The following PHTF2 variants were observed in gnomAD, a reference collection of about 807,000 sequenced individuals.
The protein encoded by PHTF2 is protein PHTF2.
In PHTF2, 60 loss-of-function variants were observed where a neutral mutation model predicts 101.2. The ratio of observed to expected loss-of-function variants is 0.59; its 90% confidence interval spans 0.48 to 0.73. The LOEUF is 0.73. PHTF2 is among the 30% of genes least tolerant of loss of function. PHTF2 has a pLI of 0.00. For synonymous variants in PHTF2, 311 were observed against 307.3 expected, an observed-to-expected ratio of 1.01 and a Z score of -0.13; for missense variants, 747 against 908.7, an observed-to-expected ratio of 0.82 and a Z score of 2.29.
At chr7:77,805,897 G>A (rs1236781004) in intron 1 of PHTF2, among the ~76,000 whole-genome samples, 1 of 152,206 alleles carries the variant, frequency 6.6e-6, no homozygotes, top group Non-Finnish European at 1.5e-5. Context: ...AAACAAGGTT[G>A]GGTGGAGTGG....
chr7:77,886,640 A>T (rs952188166), intron 3 of PHTF2, among the ~76,000 whole-genome samples: 1 of 152,196 alleles, frequency 6.6e-6, no homozygotes, highest in African/African-American at 2.4e-5. Flanking sequence ...TATGGAATAT[A>T]TTAGTTTCTA....
intron 11 of PHTF2, chr7:77,923,730 T>G (rs1023903064): frequency 1.0e-6 from 1 of 985,082 alleles, no homozygotes; most frequent in South Asian, 4.7e-5. Context: ...CTGTATGTAC[T>G]GTTAGAAGTC....
At chr7:77,890,221 A>G (rs999100001) in intron 3 of PHTF2, among the ~76,000 whole-genome samples, 1 of 152,120 alleles carries the variant, frequency 6.6e-6, no homozygotes, top group African/African-American at 2.4e-5. Context: ...TTCAAGAAGC[A>G]TTTCCACTTT....
At chr7:77,828,315 G>A (rs73374198) in intron 1 of PHTF2, among the ~76,000 whole-genome samples, 6,259 of 152,250 alleles carry the variant, frequency 0.041, 436 homozygotes, top group African/African-American at 0.14. Flanking sequence ...GGACCTTTAA[G>A]TACTTAACAA....
chr7:77,863,255 G>A (rs1028190450), intron 3 of PHTF2, among the ~76,000 whole-genome samples: 2 of 152,206 alleles, frequency 1.3e-5, no homozygotes, highest in Admixed American at 6.5e-5. Flanking sequence ...GGGGGATAGT[G>A]TAATCTCTAA....
At chr7:77,890,692 G>A (rs1415729009) in intron 3 of PHTF2, among the ~76,000 whole-genome samples, 7 of 133,546 alleles carry the variant, frequency 5.2e-5, no homozygotes, top group South Asian at 2.5e-4. Flanking sequence ...CGCAAGCTCC[G>A]CCTCCCGGGT....
chr7:77,865,240 T>G (rs1023399955), intron 3 of PHTF2, among the ~76,000 whole-genome samples: 2 of 152,058 alleles, frequency 1.3e-5, no homozygotes, highest in Non-Finnish European at 2.9e-5. Flanking sequence ...TTTCTTTTTT[T>G]TTTTAGACAG....
Position 77,940,675 on chromosome 7 carries a change from T to C in PHTF2, c.1872+16T>C. The stretch of plus-strand genomic sequence containing the variant: ...CTATCTTAAGGTAGAATGGGAGTGA[T>C]AAAAGTAGCTTTAACATGCTGGCCC... On this transcript the variant is annotated intron_variant, in intron 15 of 19. Transcript: ENST00000416283. The C allele has an allele frequency of 6.4e-7, 1 of 1,566,420 alleles. No individual in the cohort carries two copies. The highest frequency in any genetic ancestry group is 8.7e-7 in the Non-Finnish European group (1 of 1,149,308).
intron 16 of PHTF2, among the ~76,000 whole-genome samples, chr7:77,945,448 T>C (rs1206481511): frequency 2.0e-5 from 3 of 150,984 alleles, no homozygotes; most frequent in Non-Finnish European, 4.5e-5. Context: ...CAAGGAAGTT[T>C]ATAAAACTTT....
intron 1 of PHTF2, among the ~76,000 whole-genome samples, chr7:77,814,995 T>G (rs1793744466): frequency 6.6e-6 from 1 of 152,042 alleles, no homozygotes; most frequent in South Asian, 2.1e-4. Flanking sequence ...GATGATCATT[T>G]GAATCCGGGA....
In PHTF2 at chr7:77,940,309, A is replaced by G. The variant is rs1315039338; in HGVS notation, c.1740+7A>G. The G allele has an allele frequency of 1.9e-6, 3 of 1,589,450 alleles. No homozygotes were observed. Among genetic ancestry groups the G allele is most frequent in the Non-Finnish European group, 8.5e-7 (1 of 1,169,864 alleles). ...AGAAAGAACTTATAAACAGGTGGGT[A>G]TAATGTAGACTTCCGAATAAGAATA... is the stretch of plus-strand genomic sequence containing the variant. On this transcript the variant is annotated splice_region_variant and intron_variant, in intron 14 of 19. Transcript: ENST00000416283.
At chr7:77,921,206 CTTTTGTTTTGTTTTT>C (rs1443248712) in intron 10 of PHTF2, among the ~76,000 whole-genome samples, 3 of 152,018 alleles carry the variant, frequency 2.0e-5, no homozygotes, top group Non-Finnish European at 4.4e-5. Flanking sequence ...GTTTTGTTTT[CTTTTGTTTTGTTTTT>C]AATCTGGAAA....
At chr7:77,919,222 G>A (rs1803216268) in intron 9 of PHTF2, among the ~76,000 whole-genome samples, 1 of 152,154 alleles carries the variant, frequency 6.6e-6, no homozygotes, top group Non-Finnish European at 1.5e-5. Context: ...TTAAGGTCCT[G>A]CTCAGTTCTA....
chr7:77,848,219 T>C (rs547471060), intron 2 of PHTF2, among the ~76,000 whole-genome samples: 2 of 152,290 alleles, frequency 1.3e-5, no homozygotes, highest in East Asian at 1.9e-4. Context: ...TTGGGGTATA[T>C]ACCTAGGAGT....
At chr7:77,915,199 G>A (rs1015420853) in intron 9 of PHTF2, among the ~76,000 whole-genome samples, 13 of 150,374 alleles carry the variant, frequency 8.6e-5, no homozygotes, top group Admixed American at 3.3e-4. Context: ...GTGAGTCACC[G>A]CTCCTGGCCA....
chr7:77,935,671 G>C (rs1805059905), intron 12 of PHTF2, among the ~76,000 whole-genome samples: 1 of 152,170 alleles, frequency 6.6e-6, no homozygotes, highest in Non-Finnish European at 1.5e-5. Flanking sequence ...GGAGGACAAT[G>C]AGAATGTCCT....
At position 77,848,092 on chromosome 7, in the gene PHTF2, C is replaced by A. The variant is rs146791328; in HGVS notation, c.46-6641C>A. On this transcript the variant is annotated intron_variant, in intron 2 of 19. Coordinates refer to ENST00000416283, the Ensembl canonical transcript of PHTF2. ...TCCATTGTGTATATGTACCAATTTT[C>A]TTTATCCATTCATTCATTGATGGAC... Among the ~76,000 whole-genome samples the A allele has an allele frequency of 5.5e-3, 834 of 152,270 alleles. 15 individuals are homozygous for A. The highest frequency in any genetic ancestry group is 0.019 in the African/African-American group (783 of 41,552).
At chr7:77,859,123 T>G (rs953119338) in intron 3 of PHTF2, among the ~76,000 whole-genome samples, 1 of 152,204 alleles carries the variant, frequency 6.6e-6, no homozygotes, top group Non-Finnish European at 1.5e-5. Flanking sequence ...CTTCACACTC[T>G]TTCTGTGTTC....
At chr7:77,818,110 CAAA>C (rs776568833) in intron 1 of PHTF2, among the ~76,000 whole-genome samples, 2 of 90,590 alleles carry the variant, frequency 2.2e-5, no homozygotes. Context: ...AACTCCGTCT[CAAA>C]AAAAAAAAAA....
Sources: allele counts gnomAD v4.1 joint callset (sites outside exome capture counted in the v4.1 genomes callset), GRCh38; gene constraint gnomAD v4.1.1; transcripts MANE v1.5; gene names NCBI Gene and HGNC (gene_info 2026-07-23, HGNC 2026-07-21).